BMPR1A: variants seen among roughly 807,000 people sequenced by gnomAD.
The protein encoded by BMPR1A is bone morphogenetic protein receptor type 1A.
A neutral mutation model predicts 66.0 loss-of-function variants in BMPR1A; 7 were observed. The ratio of observed to expected loss-of-function variants is 0.11; its 90% CI spans 0.06 to 0.20. BMPR1A has a LOEUF of 0.20. Among genes scored for constraint, BMPR1A ranks in the 10% least tolerant of loss-of-function variants. The pLI is 1.00. For synonymous variants in BMPR1A, 200 were observed against 229.7 expected (o/e 0.87, Z 1.17); for missense variants, 408 against 669.1 (o/e 0.61, Z 4.31).
upstream of BMPR1A, chr10:86,755,831 C>G (rs1311846051): frequency 6.6e-6 from 1 of 151,896 alleles, no homozygotes; most frequent in Non-Finnish European, 1.5e-5. Context: ...AGCCCGGGCG[C>G]GCCGGGCCTG....
intron 1 of BMPR1A, among the ~76,000 whole-genome samples, chr10:86,789,058 A>G (rs563853772): frequency 6.6e-6 from 1 of 152,332 alleles, no homozygotes; most frequent in Non-Finnish European, 1.5e-5. Flanking sequence ...CTAAGACACC[A>G]ATGGAATAGT....
intron 1 of BMPR1A, among the ~76,000 whole-genome samples, chr10:86,788,290 T>A (rs1841547301): frequency 6.6e-6 from 1 of 152,226 alleles, no homozygotes; most frequent in South Asian, 2.1e-4. Flanking sequence ...AACTTTTCTA[T>A]TTGGCTAAGT....
chr10:86,884,514 A>G lies in BMPR1A; in HGVS notation c.68-5548A>G, dbSNP rs759973365. 5.3e-4 allele frequency among the ~76,000 whole-genome samples: 75 copies of G among 140,346 alleles called. 1 individual carries two copies. Among genetic ancestry groups the G allele is most frequent in the Non-Finnish European group, 6.0e-5 (4 of 66,628 alleles). The allele number at this position is 140,346 out of a possible 152,430, so 92.1% of individuals were successfully genotyped here. On this transcript the variant is annotated intron_variant, in intron 3 of 12. Transcript: ENST00000372037. The stretch of plus-strand genomic sequence containing the variant: ...CTACATCCTCCACCTCCCTGGTTCA[A>G]GTGATTCCTTTGTCTCAGCCTCCTG...
chr10:86,816,756 A>G (rs1390943143), intron 1 of BMPR1A, among the ~76,000 whole-genome samples: 2 of 152,240 alleles, frequency 1.3e-5, no homozygotes, highest in Non-Finnish European at 2.9e-5. Flanking sequence ...CTGCACAAGC[A>G]GGAGTTACCC....
intron 1 of BMPR1A, among the ~76,000 whole-genome samples, chr10:86,825,656 T>C (rs1015007033): frequency 3.9e-5 from 6 of 152,078 alleles, no homozygotes; most frequent in African/African-American, 1.2e-4. Context: ...TAACATTTTT[T>C]TGTGGAAATA....
chr10:86,866,399 CTTTTTTTTTTT>C (rs1048293127), intron 2 of BMPR1A, among the ~76,000 whole-genome samples: 8 of 69,474 alleles, frequency 1.2e-4, no homozygotes, highest in South Asian at 1.1e-3. Flanking sequence ...AAGTTTCTTT[CTTTTTTTTTTT>C]TTTTTTTTTT....
At chr10:86,828,590 G>A (rs1421910351) in intron 1 of BMPR1A, among the ~76,000 whole-genome samples, 4 of 152,184 alleles carry the variant, frequency 2.6e-5, no homozygotes, top group African/African-American at 9.7e-5. Context: ...TGTTGAGAGA[G>A]TGTAATCATG....
chr10:86,884,242 A>C (rs1843034230), intron 3 of BMPR1A, among the ~76,000 whole-genome samples: 1 of 151,632 alleles, frequency 6.6e-6, no homozygotes, highest in African/African-American at 2.4e-5. Flanking sequence ...GCTCCACCAC[A>C]CGCAGCTAAT....
In BMPR1A at chr10:86,837,715, AC is replaced by A. The variant is rs201822673; in HGVS notation, c.-267-1148del. ...ATGAGGACTCTGAAAAATGTTAGAG[AC>A]CTGGCTAAGTTGTAGGTAACTAGTG... On this transcript the variant is annotated intron_variant, in intron 1 of 12. Coordinates refer to ENST00000372037, the MANE Select transcript of BMPR1A (RefSeq NM_004329.3). Among the ~76,000 whole-genome samples, 167 of 152,268 alleles carry A rather than the reference AC, an allele frequency of 1.1e-3. 3 individuals carry two copies. In the East Asian group the frequency reaches 0.031, roughly 28 times the overall value.
intron 1 of BMPR1A, among the ~76,000 whole-genome samples, chr10:86,795,812 G>C (rs939767190): frequency 4.6e-5 from 7 of 151,990 alleles, no homozygotes; most frequent in Non-Finnish European, 2.9e-5. Context: ...TGTATATTCA[G>C]AGGTATTTAA....
At position 86,800,574 on chromosome 10, in the gene BMPR1A, G is replaced by C. The variant is rs72474852; in HGVS notation, c.-267-38291G>C. On this transcript the variant is annotated intron_variant, in intron 1 of 12. Transcript: ENST00000372037. ...GCCCAGCTAATTTTTGTATTTTTTAGTAGAGACGGGATTTCACCATGTTGG... is the reference window on the plus strand; with the variant it reads ...GCCCAGCTAATTTTTGTATTTTTTACTAGAGACGGGATTTCACCATGTTGG... 3.0e-4 allele frequency among the ~76,000 whole-genome samples: 46 copies of C among 152,214 alleles called. 1 individual carries two copies. In the East Asian group the frequency reaches 7.3e-3, roughly 24 times the overall value.
At chr10:86,809,945 T>C (rs937614581) in intron 1 of BMPR1A, among the ~76,000 whole-genome samples, 1 of 150,446 alleles carries the variant, frequency 6.6e-6, no homozygotes, top group Non-Finnish European at 1.5e-5. Flanking sequence ...GTATCAGTAC[T>C]TCATTTCTTT....
intron 1 of BMPR1A, among the ~76,000 whole-genome samples, chr10:86,771,707 A>T (rs1465588429): frequency 6.6e-6 from 1 of 152,214 alleles, no homozygotes; most frequent in Admixed American, 6.5e-5. Flanking sequence ...TAATATTTAA[A>T]ACGTGGTAGA....
At chr10:86,921,228 C>T (rs1340871841) in intron 10 of BMPR1A, among the ~76,000 whole-genome samples, 1 of 152,036 alleles carries the variant, frequency 6.6e-6, no homozygotes, top group Non-Finnish European at 1.5e-5. Context: ...CTGACCTGAA[C>T]GGATGTGAGG....
At chr10:86,758,091 G>T (rs1847908150) in intron 1 of BMPR1A, among the ~76,000 whole-genome samples, 2 of 152,186 alleles carry the variant, frequency 1.3e-5, no homozygotes, top group African/African-American at 4.8e-5. Flanking sequence ...GAATTATTTA[G>T]ATTTTTAAAT....
At chr10:86,779,115 C>A (rs1841398511) in intron 1 of BMPR1A, among the ~76,000 whole-genome samples, 1 of 151,914 alleles carries the variant, frequency 6.6e-6, no homozygotes. Context: ...TGTATGTATA[C>A]CATATTTTCT....
At chr10:86,773,613 AAAAACAC>A (rs1841300618) in intron 1 of BMPR1A, among the ~76,000 whole-genome samples, 1 of 151,208 alleles carries the variant, frequency 6.6e-6, no homozygotes, top group East Asian at 1.9e-4. Flanking sequence ...AAAAAAAAAA[AAAAACAC>A]AACACCAGAT....
chr10:86,891,190 T>C (rs1589763905), intron 4 of BMPR1A, among the ~76,000 whole-genome samples: 1 of 151,930 alleles, frequency 6.6e-6, no homozygotes, highest in East Asian at 1.9e-4. Flanking sequence ...CGTGGCTGAC[T>C]GTGACTAGTT....
At position 86,861,154 on chromosome 10, in the gene BMPR1A, A is replaced by G. The variant is rs1296385538; in HGVS notation, c.-152-14713A>G. Among the ~76,000 whole-genome samples the G allele has an allele frequency of 2.0e-5, 3 of 152,246 alleles. No individual in the cohort carries two copies. In the East Asian group the frequency reaches 5.8e-4, roughly 30 times the overall value. ...CCGCGCCTGGCCTAGAACTTCTTAC[A>G]ACACCCTAAACCAGTACATTTCAAC... On this transcript the variant is annotated intron_variant, in intron 2 of 12. Transcript: ENST00000372037.
Sources: allele counts gnomAD v4.1 joint callset (sites outside exome capture counted in the v4.1 genomes callset), GRCh38; gene constraint gnomAD v4.1.1; transcripts MANE v1.5; gene names NCBI Gene and HGNC (gene_info 2026-07-23, HGNC 2026-07-21).